Variants in PALLD observed in about 807,000 individuals in gnomAD.
PALLD encodes the protein palladin.
In PALLD, 61 loss-of-function variants were observed where a neutral mutation model predicts 123.5. The observed-to-expected ratio is 0.49, with a 90% CI of 0.40 to 0.61. The LOEUF (loss-of-function observed/expected upper bound fraction) is 0.61. PALLD is among the 20% of genes least tolerant of loss of function. The pLI, the probability that PALLD is intolerant of heterozygous loss-of-function variation, is 0.00. For missense variants in PALLD, 1,273 were observed against 1,377.0 expected (o/e 0.92, Z 1.20); for synonymous variants, 465 against 496.4 (o/e 0.94, Z 0.84).
At chr4:168,901,603 A>T (rs1460058569) in intron 14 of PALLD, among the ~76,000 whole-genome samples, 1 of 152,220 alleles carries the variant, frequency 6.6e-6, no homozygotes, top group Non-Finnish European at 1.5e-5. Flanking sequence ...CACACCTGGA[A>T]TCCCAGCACT....
intron 2 of PALLD, among the ~76,000 whole-genome samples, chr4:168,639,897 C>G (rs1776770674): frequency 6.6e-6 from 1 of 152,152 alleles, no homozygotes; most frequent in South Asian, 2.1e-4. Flanking sequence ...CCTTAGCTTG[C>G]CTGTCTTTTA....
intron 10 of PALLD, chr4:168,832,660 CG>C (rs34978155): frequency 6.6e-6 from 1 of 152,548 alleles, no homozygotes; most frequent in Non-Finnish European, 1.5e-5. Flanking sequence ...AGGGTGGGGA[CG>C]GAGGGGTCCC....
intron 2 of PALLD, among the ~76,000 whole-genome samples, chr4:168,617,967 G>A (rs1774390367): frequency 6.6e-6 from 1 of 152,208 alleles, no homozygotes; most frequent in Admixed American, 6.5e-5. Context: ...GAGAAAGAGA[G>A]ATGTTTAAAT....
chr4:168,835,475 G>T (rs1259368476), intron 10 of PALLD, among the ~76,000 whole-genome samples: 3 of 152,164 alleles, frequency 2.0e-5, no homozygotes, highest in Non-Finnish European at 4.4e-5. Context: ...AGAAAAAGCT[G>T]CAGAGAAGGT....
chr4:168,720,998 A>C (rs772142077), intron 10 of PALLD, among the ~76,000 whole-genome samples: 4 of 152,194 alleles, frequency 2.6e-5, no homozygotes, highest in Non-Finnish European at 5.9e-5. Flanking sequence ...GTAATGTTTA[A>C]TTACATTTCC....
chr4:168,558,262 G>C (rs374030831), intron 2 of PALLD, among the ~76,000 whole-genome samples: 1 of 152,128 alleles, frequency 6.6e-6, no homozygotes, highest in Non-Finnish European at 1.5e-5. Flanking sequence ...GCAGATCAGC[G>C]CTTCCCTGGC....
At chr4:168,874,891 C>G (rs763859742) in intron 10 of PALLD, among the ~76,000 whole-genome samples, 1 of 151,838 alleles carries the variant, frequency 6.6e-6, no homozygotes, top group Non-Finnish European at 1.5e-5. Flanking sequence ...AGTGGGGAAT[C>G]GCTTAGATTT....
chr4:168,670,901 A>G (rs191916822), intron 3 of PALLD, among the ~76,000 whole-genome samples: 137 of 151,852 alleles, frequency 9.0e-4, no homozygotes, highest in African/African-American at 2.6e-3. Flanking sequence ...CCCCATCTCT[A>G]CTAAAAATAC....
intron 3 of PALLD, among the ~76,000 whole-genome samples, chr4:168,675,207 C>G (rs1780706500): frequency 6.6e-6 from 1 of 152,126 alleles, no homozygotes; most frequent in African/African-American, 2.4e-5. Flanking sequence ...ATGAAGGAAG[C>G]TGGATTAAAC....
At chr4:168,759,939 A>G (rs988230827) in intron 10 of PALLD, among the ~76,000 whole-genome samples, 1 of 152,004 alleles carries the variant, frequency 6.6e-6, no homozygotes. Context: ...CTGTAATCCC[A>G]GCTGCTGGGG....
rs1478365579 is a variant in PALLD at position 168,511,469 on chromosome 4, G to T, written c.-36G>T. ...TTCCAGTGCCTCTGGCCTTCCTACT[G>T]AAAGCAGACACAGAGTGCATGAAGA... On this transcript the variant is annotated 5_prime_UTR_variant, in exon 2 of 22. Transcript: ENST00000505667. 1.9e-6 allele frequency: 3 copies of T among 1,552,708 alleles called. No individual in the cohort carries two copies. The highest frequency in any genetic ancestry group is 2.7e-6 in the Non-Finnish European group (3 of 1,125,170).
At chr4:168,650,017 T>G (rs955250414) in intron 2 of PALLD, among the ~76,000 whole-genome samples, 2 of 151,988 alleles carry the variant, frequency 1.3e-5, no homozygotes, top group African/African-American at 4.8e-5. Flanking sequence ...CTACTAAAAG[T>G]ACAAAAATTA....
chr4:168,739,514 C>A (rs760764713), intron 10 of PALLD, among the ~76,000 whole-genome samples: 2 of 152,096 alleles, frequency 1.3e-5, no homozygotes, highest in Non-Finnish European at 2.9e-5. Context: ...AATAGGGTGA[C>A]CATAGTTAAC....
At chr4:168,845,142 G>A (rs1484388262) in intron 10 of PALLD, among the ~76,000 whole-genome samples, 1 of 152,114 alleles carries the variant, frequency 6.6e-6, no homozygotes, top group African/African-American at 2.4e-5. Flanking sequence ...AGGTGAGGGA[G>A]GCTTTACCAG....
intron 2 of PALLD, among the ~76,000 whole-genome samples, chr4:168,543,384 A>G (rs967870652): frequency 6.6e-6 from 1 of 150,620 alleles, no homozygotes; most frequent in Non-Finnish European, 1.5e-5. Flanking sequence ...GACTACAGTT[A>G]AGTTTAACTG....
At chr4:168,565,876 T>C (rs1233031892) in intron 2 of PALLD, among the ~76,000 whole-genome samples, 2 of 152,210 alleles carry the variant, frequency 1.3e-5, no homozygotes, top group Non-Finnish European at 2.9e-5. Context: ...TTTTATAGCC[T>C]TGAGAAAATT....
chr4:168,796,198 C>G (rs1360111934), intron 10 of PALLD, among the ~76,000 whole-genome samples: 3 of 152,150 alleles, frequency 2.0e-5, no homozygotes, highest in Non-Finnish European at 4.4e-5. Flanking sequence ...ACCTTGCCCC[C>G]CACTGTCCTT....
chr4:168,619,184 G>A (rs1377988783), intron 2 of PALLD, among the ~76,000 whole-genome samples: 5 of 152,182 alleles, frequency 3.3e-5, no homozygotes, highest in Admixed American at 3.3e-4. Flanking sequence ...TAAGCCGTAG[G>A]AAAGCAGAGT....
chr4:168,870,277 A>C (rs193193904), intron 10 of PALLD, among the ~76,000 whole-genome samples: 1 of 152,218 alleles, frequency 6.6e-6, no homozygotes, highest in Admixed American at 6.5e-5. Flanking sequence ...ATTTTGAGAC[A>C]CACAAAACCT....
Sources: gnomAD v4.1 joint callset for allele counts (sites outside exome capture counted in the v4.1 genomes callset) on GRCh38, gnomAD v4.1.1 for gene constraint, MANE v1.5 for transcripts, NCBI Gene and HGNC (gene_info 2026-07-23, HGNC 2026-07-21) for gene names.